PDZRN3: variants seen among roughly 807,000 people sequenced by gnomAD.
The protein encoded by PDZRN3 is PDZ domain containing ring finger 3.
PDZRN3 carries 38 observed loss-of-function variants against 85.7 expected under a neutral mutation model. The observed-to-expected ratio is 0.44, with a 90% confidence interval of 0.34 to 0.58. The LOEUF is 0.58. Among genes scored for constraint, PDZRN3 ranks in the 20% least tolerant of loss-of-function variants. PDZRN3 has a pLI of 0.01. For missense variants in PDZRN3, 1,629 were observed against 1,506.4 expected (o/e 1.08, Z -1.35); for synonymous variants, 759 against 638.0 (o/e 1.19, Z -2.86).
chr3:73,455,153 G>A (rs1388949135), intron 3 of PDZRN3, among the ~76,000 whole-genome samples: 1 of 152,156 alleles, frequency 6.6e-6, no homozygotes, highest in Non-Finnish European at 1.5e-5. Flanking sequence ...GAATCACCAT[G>A]AGTAATGACC....
intron 3 of PDZRN3, among the ~76,000 whole-genome samples, chr3:73,506,027 G>A (rs945116631): frequency 6.6e-6 from 1 of 152,056 alleles, no homozygotes; most frequent in African/African-American, 2.4e-5. Flanking sequence ...CGGGCAGGTA[G>A]AGAGCAGGTA....
chr3:73,439,295 A>G (rs1226686407), intron 3 of PDZRN3, among the ~76,000 whole-genome samples: 2 of 152,242 alleles, frequency 1.3e-5, no homozygotes, highest in African/African-American at 4.8e-5. Context: ...TAGTGAGCAG[A>G]TGGACTATAG....
At chr3:73,484,631 G>A (rs1490081732) in intron 3 of PDZRN3, among the ~76,000 whole-genome samples, 3 of 152,220 alleles carry the variant, frequency 2.0e-5, no homozygotes, top group African/African-American at 7.2e-5. Flanking sequence ...TAAAGGATAA[G>A]AGAGAAATGT....
At position 73,518,742 on chromosome 3, in the gene PDZRN3, T is replaced by C. The variant is rs182605554; in HGVS notation, c.918+83612A>G. Among the ~76,000 whole-genome samples the C allele has an allele frequency of 2.4e-3, 365 of 152,262 alleles. 2 individuals are homozygous for C. The highest frequency in any genetic ancestry group is 0.017 in the Middle Eastern group (5 of 294). On this transcript the variant is annotated intron_variant, in intron 3 of 9. Transcript: ENST00000263666. Reference sequence around the variant, plus strand: ...CAGTTCATAGATGTTGCCTTCCGTCTTCACATGGTGGAAAGGACTATGCAA... The same window carrying C: ...CAGTTCATAGATGTTGCCTTCCGTCCTCACATGGTGGAAAGGACTATGCAA...
At chr3:73,461,685 T>G (rs1401340518) in intron 3 of PDZRN3, among the ~76,000 whole-genome samples, 1 of 152,238 alleles carries the variant, frequency 6.6e-6, no homozygotes, top group Non-Finnish European at 1.5e-5. Flanking sequence ...TTAAGCCATT[T>G]AGATGGTTTT....
chr3:73,609,926 C>A (rs1702657091), intron 1 of PDZRN3, among the ~76,000 whole-genome samples: 1 of 152,212 alleles, frequency 6.6e-6, no homozygotes, highest in Non-Finnish European at 1.5e-5. Flanking sequence ...ATGTGCAACT[C>A]TGGTTTCACA....
At chr3:73,563,001 ATATATATATATATTTTTT>A (rs1430482591) in intron 3 of PDZRN3, among the ~76,000 whole-genome samples, 12 of 35,412 alleles carry the variant, frequency 3.4e-4, no homozygotes, top group Non-Finnish European at 5.2e-4. Flanking sequence ...ATATATATAT[ATATATATATATATTTTTT>A]TTTTTTTTTT....
intron 3 of PDZRN3, among the ~76,000 whole-genome samples, chr3:73,451,153 T>C (rs550706645): frequency 1.3e-5 from 2 of 152,160 alleles, no homozygotes; most frequent in African/African-American, 4.8e-5. Context: ...TCCTCGGAGC[T>C]GCAAATACTT....
chr3:73,559,924 G>C (rs900119403), intron 3 of PDZRN3, among the ~76,000 whole-genome samples: 1 of 152,182 alleles, frequency 6.6e-6, no homozygotes, highest in Admixed American at 6.5e-5. Flanking sequence ...GAGAACATGT[G>C]AGCACCCAGT....
chr3:73,581,539 G>A (rs538750368), intron 3 of PDZRN3, among the ~76,000 whole-genome samples: 2 of 152,076 alleles, frequency 1.3e-5, no homozygotes, highest in South Asian at 2.1e-4. Flanking sequence ...CTTGGAGTCC[G>A]AGTCCCAGGA....
At chr3:73,452,148 A>G (rs1039898365) in intron 3 of PDZRN3, among the ~76,000 whole-genome samples, 4 of 152,188 alleles carry the variant, frequency 2.6e-5, no homozygotes, top group African/African-American at 4.8e-5. Flanking sequence ...TGAAGAGGAC[A>G]AATGACCTCC....
At chr3:73,607,681 T>C (rs531362732) in intron 2 of PDZRN3, among the ~76,000 whole-genome samples, 1 of 152,220 alleles carries the variant, frequency 6.6e-6, no homozygotes, top group African/African-American at 2.4e-5. Context: ...CCATGTGCCA[T>C]CCTCCCATTT....
At chr3:73,467,237 T>C (rs972370766) in intron 3 of PDZRN3, among the ~76,000 whole-genome samples, 1 of 152,168 alleles carries the variant, frequency 6.6e-6, no homozygotes. Context: ...CTAATTTTCA[T>C]GGGGAATTAA....
At chr3:73,536,252 TA>T (rs1321579388) in intron 3 of PDZRN3, among the ~76,000 whole-genome samples, 1 of 152,222 alleles carries the variant, frequency 6.6e-6, no homozygotes, top group African/African-American at 2.4e-5. Context: ...ATTGAATTAA[TA>T]AAATATCAAG....
intron 2 of PDZRN3, among the ~76,000 whole-genome samples, chr3:73,603,886 TACAC>T (rs370554640): frequency 4.8e-5 from 7 of 144,952 alleles, no homozygotes; most frequent in East Asian, 4.0e-4. Context: ...CACACACACA[TACAC>T]ACACACACAC....
rs924764940 is a variant in PDZRN3 at position 73,450,508 on chromosome 3, C to T, written c.919-46113G>A. Among the ~76,000 whole-genome samples, 8 of 152,136 alleles carry T rather than the reference C, an allele frequency of 5.3e-5. No homozygotes were observed. In the East Asian group the frequency reaches 1.2e-3, roughly 22 times the overall value. Reference sequence around the variant, plus strand: ...CGTAATCAGGCACATTAATAAGTCACGATTCATTTTCTTTTTAGCAGGGAG... The same window carrying T: ...CGTAATCAGGCACATTAATAAGTCATGATTCATTTTCTTTTTAGCAGGGAG... On this transcript the variant is annotated intron_variant, in intron 3 of 9. Coordinates refer to ENST00000263666, the MANE Select transcript of PDZRN3 (RefSeq NM_015009.3).
intron 3 of PDZRN3, among the ~76,000 whole-genome samples, chr3:73,580,388 G>C (rs938266206): frequency 2.0e-5 from 3 of 152,238 alleles, no homozygotes; most frequent in Non-Finnish European, 4.4e-5. Flanking sequence ...AGATAACGCA[G>C]GCCTCTTGTC....
At chr3:73,444,514 C>A (rs1702711332) in intron 3 of PDZRN3, among the ~76,000 whole-genome samples, 1 of 152,184 alleles carries the variant, frequency 6.6e-6, no homozygotes, top group African/African-American at 2.4e-5. Context: ...AGCTTCATTA[C>A]CGTGATTAAT....
chr3:73,424,367 CAAAAAAAAA>C (rs66466551), intron 3 of PDZRN3, among the ~76,000 whole-genome samples: 2 of 54,854 alleles, frequency 3.6e-5, no homozygotes, highest in Non-Finnish European at 6.4e-5. Context: ...CCGTCTCTAC[CAAAAAAAAA>C]AAAAAAAAAA....
Sources: gnomAD v4.1 joint callset for allele counts (sites outside exome capture counted in the v4.1 genomes callset) on GRCh38, gnomAD v4.1.1 for gene constraint, MANE v1.5 for transcripts, NCBI Gene and HGNC (gene_info 2026-07-23, HGNC 2026-07-21) for gene names.